The following FAM227B variants were observed in gnomAD, a reference collection of about 807,000 sequenced individuals.
FAM227B encodes the protein protein FAM227B.
A neutral mutation model predicts 73.8 loss-of-function variants in FAM227B; 88 were observed. The observed-to-expected ratio is 1.19, with a 90% CI of 1.00 to 1.42. The LOEUF is 1.42. FAM227B is among the 40% of genes most tolerant of loss of function. The probability of loss-of-function intolerance (pLI) is 0.00; values close to 1 mark genes in which losing one functional copy is unlikely to be tolerated. For synonymous variants in FAM227B, 210 were observed against 190.5 expected, an observed-to-expected ratio of 1.10 and a Z score of -0.84; for missense variants, 632 against 590.9, an observed-to-expected ratio of 1.07 and a Z score of -0.72.
At chr15:49,480,640 C>T (rs1463002438) in intron 11 of FAM227B, among the ~76,000 whole-genome samples, 2 of 151,992 alleles carry the variant, frequency 1.3e-5, no homozygotes, top group East Asian at 1.9e-4. Context: ...CGCCACCACA[C>T]CCGGATAATT....
chr15:49,583,925 C>T (rs1175597046), intron 5 of FAM227B, among the ~76,000 whole-genome samples: 2 of 152,074 alleles, frequency 1.3e-5, no homozygotes, highest in Non-Finnish European at 2.9e-5. Flanking sequence ...CTGAATTCTA[C>T]CAGATGTACA....
intron 11 of FAM227B, among the ~76,000 whole-genome samples, chr15:49,385,972 C>G (rs1226542197): frequency 6.6e-6 from 1 of 151,772 alleles, no homozygotes; most frequent in Non-Finnish European, 1.5e-5. Flanking sequence ...TTTATATGTA[C>G]CAAACACTGA....
intron 13 of FAM227B, among the ~76,000 whole-genome samples, chr15:49,358,367 C>T (rs1236867911): frequency 8.5e-6 from 1 of 117,918 alleles, no homozygotes; most frequent in East Asian, 2.4e-4. Context: ...TCTCCTTAAG[C>T]TGATAAGCAA....
chr15:49,561,076 C>T (rs922967516), intron 9 of FAM227B, among the ~76,000 whole-genome samples: 1 of 152,130 alleles, frequency 6.6e-6, no homozygotes, highest in East Asian at 1.9e-4. Context: ...TTAAAAGGAA[C>T]AGAGTGGCAA....
intron 5 of FAM227B, among the ~76,000 whole-genome samples, chr15:49,581,935 G>A (rs1051833666): frequency 2.6e-5 from 4 of 152,220 alleles, no homozygotes; most frequent in South Asian, 4.1e-4. Flanking sequence ...CCTGAACTAC[G>A]CAAGGCCATC....
intron 11 of FAM227B, among the ~76,000 whole-genome samples, chr15:49,397,276 G>C (rs1284150384): frequency 1.3e-5 from 2 of 152,128 alleles, no homozygotes; most frequent in African/African-American, 4.8e-5. Flanking sequence ...ATGAAATGAA[G>C]CAAGAAGGGA....
chr15:49,605,444 G>A (rs990020340), intron 3 of FAM227B, among the ~76,000 whole-genome samples: 7 of 152,244 alleles, frequency 4.6e-5, no homozygotes, highest in African/African-American at 1.7e-4. Context: ...GGTGCAGCCT[G>A]TACACTTAAT....
chr15:49,589,542 TACACACACACACAC>T (rs35391819), intron 4 of FAM227B, among the ~76,000 whole-genome samples: 116 of 139,818 alleles, frequency 8.3e-4, no homozygotes, highest in African/African-American at 1.7e-3. Flanking sequence ...TTTATGAGAT[TACACACACACACAC>T]ACACACACAC....
At chr15:49,429,429 A>G (rs1317362775) in intron 11 of FAM227B, among the ~76,000 whole-genome samples, 1 of 151,974 alleles carries the variant, frequency 6.6e-6, no homozygotes, top group Non-Finnish European at 1.5e-5. Context: ...AAGTTCATTC[A>G]TTGCCACGAG....
At chr15:49,595,619 T>G (rs960854787) in intron 3 of FAM227B, among the ~76,000 whole-genome samples, 1 of 151,848 alleles carries the variant, frequency 6.6e-6, no homozygotes, top group African/African-American at 2.4e-5. Context: ...GTCCCTTCTA[T>G]GTTGATTTTG....
At chr15:49,472,418 T>C (rs536145556) in intron 11 of FAM227B, among the ~76,000 whole-genome samples, 106 of 152,280 alleles carry the variant, frequency 7.0e-4, no homozygotes, top group Admixed American at 3.9e-3. Context: ...GGGTACCTTT[T>C]ATGGAAGACT....
At chr15:49,576,618 A>G (rs1485309381) in intron 7 of FAM227B, 123 bp downstream of exon 7, 2 of 636,462 alleles carry the variant, frequency 3.1e-6, no homozygotes, top group Non-Finnish European at 5.4e-6. Context: ...TTCCTGCCAA[A>G]TTTAATGCCC....
chr15:49,578,998 T>C (rs888555303), intron 5 of FAM227B, among the ~76,000 whole-genome samples: 5 of 152,094 alleles, frequency 3.3e-5, no homozygotes, highest in African/African-American at 1.2e-4. Context: ...CATGAAAAAG[T>C]AGGCAAAGGA....
chr15:49,391,976 G>T (rs1431038737), intron 11 of FAM227B, among the ~76,000 whole-genome samples: 1 of 151,986 alleles, frequency 6.6e-6, no homozygotes, highest in African/African-American at 2.4e-5. Context: ...GCTTTACTGT[G>T]CCAGGCAAGC....
chr15:49,368,993 C>T (rs990546970), intron 12 of FAM227B, among the ~76,000 whole-genome samples: 4 of 152,200 alleles, frequency 2.6e-5, no homozygotes, highest in African/African-American at 4.8e-5. Flanking sequence ...TTTTTTGAGA[C>T]GGAGTCTCGC....
chr15:49,373,728 C>T (rs1358196700), intron 11 of FAM227B, among the ~76,000 whole-genome samples: 1 of 152,060 alleles, frequency 6.6e-6, no homozygotes, highest in East Asian at 1.9e-4. Context: ...TATTGCTATC[C>T]ACTTTTACAG....
intron 11 of FAM227B, chr15:49,489,180 G>A (rs1425300621): frequency 1.2e-6 from 1 of 837,064 alleles, no homozygotes; most frequent in Non-Finnish European, 1.4e-6. Context: ...AGAAAGCAGG[G>A]ATCACTGGAA....
At chr15:49,570,662 G>T (rs558776922) in intron 8 of FAM227B, among the ~76,000 whole-genome samples, 2 of 151,206 alleles carry the variant, frequency 1.3e-5, no homozygotes, top group Non-Finnish European at 3.0e-5. Context: ...CTACCTTTCT[G>T]CTGTTTCTAT....
At chr15:49,590,558 T>C (rs547624723) in intron 3 of FAM227B, among the ~76,000 whole-genome samples, 1 of 152,140 alleles carries the variant, frequency 6.6e-6, no homozygotes, top group East Asian at 2.0e-4. Context: ...TAAAGTATAA[T>C]TGACAAATTA....
Sources: allele counts gnomAD v4.1 joint callset (sites outside exome capture counted in the v4.1 genomes callset), GRCh38; gene constraint gnomAD v4.1.1; transcripts MANE v1.5; gene names NCBI Gene and HGNC (gene_info 2026-07-23, HGNC 2026-07-21).